DLG2: variants seen among roughly 807,000 people sequenced by gnomAD.
DLG2 encodes the protein disks large homolog 2.
A neutral mutation model predicts 132.5 loss-of-function variants in DLG2; 45 were observed. The observed-to-expected ratio is 0.34, with a 90% CI of 0.27 to 0.44. The LOEUF is 0.44. DLG2 is among the 20% of genes least tolerant of loss of function. The pLI is 1.00. For missense variants in DLG2, 1,045 were observed against 1,196.9 expected (o/e 0.87, Z 1.87); for synonymous variants, 424 against 419.6 (o/e 1.01, Z -0.13).
At chr11:84,767,461 G>A (rs1254938187) in intron 6 of DLG2, among the ~76,000 whole-genome samples, 1 of 151,918 alleles carries the variant, frequency 6.6e-6, no homozygotes, top group Non-Finnish European at 1.5e-5. Flanking sequence ...TTGCTATGGG[G>A]ATTTAAAAGA....
At position 84,121,591 on chromosome 11, in the gene DLG2, T is replaced by G; in HGVS notation, c.625-22544A>C. Among the ~76,000 whole-genome samples, 2 of 111,902 alleles carry G rather than the reference T, an allele frequency of 1.8e-5. 1 individual carries two copies. Among genetic ancestry groups the G allele is most frequent in the Non-Finnish European group, 3.4e-5 (2 of 59,000 alleles). The allele number at this position is 111,902 out of a possible 152,430, so 73.4% of individuals were successfully genotyped here. A position where few individuals can be genotyped will look rare whatever the true frequency, so the allele number is the denominator to read the frequency against. On this transcript the variant is annotated intron_variant, in intron 9 of 27. Coordinates refer to ENST00000376104, the MANE Select transcript of DLG2 (RefSeq NM_001142699.3). Reference sequence around the variant, plus strand: ...TTTTTTTTTTTTTTGAGACGGAGTCTCGCTCTGTGGCCCAGGCTGGAGTGC... The same window carrying G: ...TTTTTTTTTTTTTTGAGACGGAGTCGCGCTCTGTGGCCCAGGCTGGAGTGC...
At chr11:84,948,839 G>A (rs1210006935) in intron 6 of DLG2, among the ~76,000 whole-genome samples, 1 of 152,144 alleles carries the variant, frequency 6.6e-6, no homozygotes, top group Non-Finnish European at 1.5e-5. Flanking sequence ...GTTTCCATGT[G>A]TAAAATAAGA....
intron 3 of DLG2, among the ~76,000 whole-genome samples, chr11:85,451,100 C>T (rs555271329): frequency 9.2e-5 from 14 of 152,242 alleles, no homozygotes; most frequent in Middle Eastern, 3.4e-3. Context: ...GCCTGTACAT[C>T]GCATAGGGAT....
Position 83,820,386 on chromosome 11 carries a change from T to C in DLG2, c.1722+13228A>G, listed in dbSNP as rs144829156. On this transcript the variant is annotated intron_variant, in intron 17 of 27. Coordinates refer to ENST00000376104, the MANE Select transcript of DLG2 (RefSeq NM_001142699.3). ...ATACCATCCCCTGCCTGTCTCAAGG[T>C]TGCCATAAGAATAAAAATTTTAAAT... Among the ~76,000 whole-genome samples, 24 of 152,276 alleles carry C rather than the reference T, an allele frequency of 1.6e-4. 2 individuals carry two copies. The highest frequency in any genetic ancestry group is 5.3e-4 in the African/African-American group (22 of 41,560).
chr11:84,375,198 A>G (rs2098724052), intron 7 of DLG2, among the ~76,000 whole-genome samples: 7 of 152,198 alleles, frequency 4.6e-5, no homozygotes, highest in Admixed American at 4.6e-4. Context: ...TATGTGAATA[A>G]TTCTCCAAAG....
At chr11:84,703,376 C>T (rs929726106) in intron 6 of DLG2, among the ~76,000 whole-genome samples, 2 of 151,474 alleles carry the variant, frequency 1.3e-5, no homozygotes, top group African/African-American at 4.8e-5. Flanking sequence ...CTTTTCTTTC[C>T]TCAGATTAGA....
chr11:85,300,618 A>T (rs1000389454), intron 3 of DLG2, among the ~76,000 whole-genome samples: 2 of 152,206 alleles, frequency 1.3e-5, no homozygotes, highest in Admixed American at 6.5e-5. Context: ...ATCCATGTAC[A>T]TTCATGTTGT....
At chr11:85,467,521 G>A (rs548879302) in intron 3 of DLG2, among the ~76,000 whole-genome samples, 3 of 152,102 alleles carry the variant, frequency 2.0e-5, no homozygotes, top group South Asian at 2.1e-4. Context: ...TAGCATGAAG[G>A]GTTGTTGAAT....
rs1160303642 is a variant in DLG2 at position 83,922,410 on chromosome 11, C to T, written c.1496+7918G>A. ...ACCTACTTCAAAAAGGGAGTGACAG[C>T]GTTTGAAAAATAAGCTACTACATAA... is the stretch of plus-strand genomic sequence containing the variant. On this transcript the variant is annotated intron_variant, in intron 15 of 27. Coordinates refer to ENST00000376104, the MANE Select transcript of DLG2 (RefSeq NM_001142699.3). Among the ~76,000 whole-genome samples the T allele has an allele frequency of 1.3e-5, 2 of 152,100 alleles. 1 individual carries two copies. Among genetic ancestry groups the T allele is most frequent in the South Asian group, 4.2e-4 (2 of 4,814 alleles).
chr11:84,306,604 T>A (rs534344764), intron 7 of DLG2, among the ~76,000 whole-genome samples: 1 of 152,326 alleles, frequency 6.6e-6, no homozygotes, highest in South Asian at 2.1e-4. Flanking sequence ...TAGGCTTAGA[T>A]AATAATAAAC....
At chr11:84,976,467 C>G (rs2054920805) in intron 6 of DLG2, among the ~76,000 whole-genome samples, 1 of 151,852 alleles carries the variant, frequency 6.6e-6, no homozygotes, top group Non-Finnish European at 1.5e-5. Flanking sequence ...CATCTATGGC[C>G]TTTTATAGTA....
At chr11:85,457,305 C>A (rs2092454849) in intron 3 of DLG2, among the ~76,000 whole-genome samples, 1 of 151,716 alleles carries the variant, frequency 6.6e-6, no homozygotes, top group Admixed American at 6.6e-5. Flanking sequence ...TTTTCTCCAT[C>A]CCTTTGTTTT....
chr11:85,566,245 G>A (rs552199988), intron 3 of DLG2, among the ~76,000 whole-genome samples: 1 of 152,008 alleles, frequency 6.6e-6, no homozygotes, highest in East Asian at 1.9e-4. Context: ...CTGAATACTA[G>A]ACCCTTATCA....
At chr11:85,038,564 T>C (rs555847988) in intron 6 of DLG2, among the ~76,000 whole-genome samples, 140 of 152,168 alleles carry the variant, frequency 9.2e-4, no homozygotes, top group Non-Finnish European at 1.8e-3. Flanking sequence ...TTATGGATCA[T>C]TCTTGCATTA....
At chr11:84,727,422 C>G (rs2062617190) in intron 6 of DLG2, among the ~76,000 whole-genome samples, 1 of 152,202 alleles carries the variant, frequency 6.6e-6, no homozygotes, top group South Asian at 2.1e-4. Context: ...GGTGTTATGT[C>G]TGAGGCCTCT....
At chr11:84,779,545 C>A (rs1307744193) in intron 6 of DLG2, among the ~76,000 whole-genome samples, 3 of 152,174 alleles carry the variant, frequency 2.0e-5, no homozygotes, top group East Asian at 3.9e-4. Context: ...AATTTGGATG[C>A]CTTTTCTTTC....
chr11:83,825,602 G>A (rs1389723007), intron 17 of DLG2, among the ~76,000 whole-genome samples: 1 of 152,050 alleles, frequency 6.6e-6, no homozygotes, highest in Non-Finnish European at 1.5e-5. Context: ...GATAATGGAG[G>A]GTTTTTCCTT....
chr11:85,428,491 C>G (rs1409145892), intron 3 of DLG2, among the ~76,000 whole-genome samples: 1 of 152,206 alleles, frequency 6.6e-6, no homozygotes, highest in Admixed American at 6.5e-5. Context: ...AACCACATAA[C>G]TACATGGAAA....
In DLG2 at chr11:84,313,274, C is replaced by T. The variant is rs115956201; in HGVS notation, c.520-61983G>A. On this transcript the variant is annotated intron_variant, in intron 7 of 27. Coordinates refer to ENST00000376104, the MANE Select transcript of DLG2 (RefSeq NM_001142699.3). ...GGGACTATGGTGTGCACCACTACGC[C>T]GGGCTAATTTTTGTATTTTTAGTAG... is the stretch of plus-strand genomic sequence containing the variant. Among the ~76,000 whole-genome samples the T allele has an allele frequency of 2.3e-3, 342 of 151,928 alleles. 2 individuals carry two copies. The highest frequency in any genetic ancestry group is 7.5e-3 in the African/African-American group (311 of 41,416).
Sources: gnomAD v4.1 joint callset for allele counts (sites outside exome capture counted in the v4.1 genomes callset) on GRCh38, gnomAD v4.1.1 for gene constraint, MANE v1.5 for transcripts, NCBI Gene and HGNC (gene_info 2026-07-23, HGNC 2026-07-21) for gene names.